WDR20: variants seen among roughly 807,000 people sequenced by gnomAD.
WDR20 encodes WD repeat domain 20.
WDR20 carries 3 observed loss-of-function variants against 38.7 expected under a neutral mutation model. The observed-to-expected ratio is 0.08, with a 90% CI of 0.04 to 0.20. WDR20 has a LOEUF of 0.20. WDR20 is among the 10% of genes least tolerant of loss of function. The probability of loss-of-function intolerance (pLI) is 1.00; values close to 1 mark genes in which losing one functional copy is unlikely to be tolerated. For missense variants in WDR20, 559 were observed against 727.7 expected (o/e 0.77, Z 2.67); for synonymous variants, 298 against 285.6 (o/e 1.04, Z -0.44).
chr14:102,141,167 A>T (rs2050946723), intron 1 of WDR20, among the ~76,000 whole-genome samples: 1 of 152,190 alleles, frequency 6.6e-6, no homozygotes, highest in Non-Finnish European at 1.5e-5. Flanking sequence ...ACTTGATGTC[A>T]TGGAAGAGTG....
intron 1 of WDR20, among the ~76,000 whole-genome samples, chr14:102,182,115 A>G: frequency 6.6e-6 from 1 of 152,182 alleles, no homozygotes; most frequent in Non-Finnish European, 1.5e-5. Context: ...AGACTGTAAA[A>G]TTGGTGATAA....
intron 1 of WDR20, among the ~76,000 whole-genome samples, chr14:102,169,738 G>C (rs1158011870): frequency 1.3e-5 from 2 of 152,070 alleles, no homozygotes; most frequent in Non-Finnish European, 2.9e-5. Context: ...ATGTTGGCCA[G>C]GCTGGTCTCG....
In WDR20 at chr14:102,208,881, C is replaced by T. The variant is rs183598543; in HGVS notation, c.711C>T (p.Cys237=). 2.7e-5 allele frequency: 44 copies of T among 1,614,194 alleles called. No individual in the cohort carries two copies. In the East Asian group the frequency reaches 6.9e-4, roughly 25 times the overall value. The part of the protein sequence containing the change: ...AFSPDGKFLA[C]VSQDGFLRVF... Reference sequence around the variant, plus strand: ...CCCCAGATGGCAAGTTCTTAGCGTGCGTGAGCCAGGACGGGTTTCTGCGGG... The same window carrying T: ...CCCCAGATGGCAAGTTCTTAGCGTGTGTGAGCCAGGACGGGTTTCTGCGGG... Residue 237 remains cysteine, a synonymous_variant, in exon 3 of 3, where the codon TGC becomes TGT. Coordinates refer to ENST00000342702, the MANE Select transcript of WDR20 (RefSeq NM_144574.4). The surrounding 1 kb of genome is among the most constrained non-coding windows in gnomAD (Gnocchi z 5.6).
At chr14:102,156,171 CTT>C (rs771377694) in intron 1 of WDR20, among the ~76,000 whole-genome samples, 7 of 138,516 alleles carry the variant, frequency 5.1e-5, no homozygotes, top group Non-Finnish European at 4.8e-5. Context: ...ACCATTAGAT[CTT>C]TTTTTTTTTT....
intron 1 of WDR20, among the ~76,000 whole-genome samples, chr14:102,170,163 C>T (rs2060529406): frequency 6.6e-6 from 1 of 152,174 alleles, no homozygotes; most frequent in Admixed American, 6.5e-5. Context: ...TGTTCTTTGT[C>T]AATAAAGACA....
At chr14:102,163,627 C>CAAAAA (rs58628061) in intron 1 of WDR20, among the ~76,000 whole-genome samples, 42,621 of 62,658 alleles carry the variant, frequency 0.68, 16,538 homozygotes, top group East Asian at 0.86. Context: ...GACTCTGTCT[C>CAAAAA]AAAAAAAAAA....
intron 2 of WDR20, among the ~76,000 whole-genome samples, chr14:102,202,372 G>GTTTTTTTTT (rs5811062): frequency 1.5e-5 from 1 of 67,670 alleles, no homozygotes; most frequent in Non-Finnish European, 2.5e-5. Context: ...CTGTATGGAG[G>GTTTTTTTTT]TTTTTTTTTT....
At chr14:102,217,596 G>A (rs111728252), downstream of WDR20, among the ~76,000 whole-genome samples, 4 of 146,926 alleles carry the variant, frequency 2.7e-5, no homozygotes, top group African/African-American at 9.8e-5. Context: ...GATGGGTCCC[G>A]ACGTCCCTGG....
At chr14:102,217,926 C>T (rs985695501), downstream of WDR20, among the ~76,000 whole-genome samples, 4 of 152,222 alleles carry the variant, frequency 2.6e-5, no homozygotes, top group African/African-American at 7.2e-5. Context: ...GCCAGGAGCA[C>T]CTGCCACAGA....
chr14:102,151,064 T>A (rs907445352), intron 1 of WDR20, among the ~76,000 whole-genome samples: 14 of 152,158 alleles, frequency 9.2e-5, no homozygotes, highest in African/African-American at 3.1e-4. Flanking sequence ...CATTCAGAAC[T>A]GAACATTGCC....
intron 1 of WDR20, among the ~76,000 whole-genome samples, chr14:102,144,438 TACC>T (rs1267275375): frequency 6.9e-6 from 1 of 145,480 alleles, no homozygotes; most frequent in Admixed American, 7.0e-5. Context: ...GCCAAGATCA[TACC>T]ACCGCACTCC....
At chr14:102,162,992 C>A (rs531152054) in intron 1 of WDR20, among the ~76,000 whole-genome samples, 4 of 152,128 alleles carry the variant, frequency 2.6e-5, no homozygotes, top group African/African-American at 7.2e-5. Flanking sequence ...GGCTTGCTAG[C>A]CCTTTTGCAT....
chr14:102,215,483 T>C (rs869038), downstream of WDR20, among the ~76,000 whole-genome samples: 1,758 of 152,298 alleles, frequency 0.012, 37 homozygotes, highest in African/African-American at 0.04. Flanking sequence ...CTGTAAGTTC[T>C]GGGATATATG....
chr14:102,220,516 G>A lies in WDR20; in HGVS notation c.1693-2314G>A, dbSNP rs1171900220. 6.6e-6 allele frequency among the ~76,000 whole-genome samples: 1 copy of A among 152,140 alleles called. No individual in the cohort carries two copies. The highest frequency in any genetic ancestry group is 1.5e-5 in the Non-Finnish European group (1 of 68,018). Reference sequence around the variant, plus strand: ...AGGCAGGTGGATCACGAGGTCAGGAGGTCTTCAAGACCATCCTAACAGTGA... The same window carrying A: ...AGGCAGGTGGATCACGAGGTCAGGAAGTCTTCAAGACCATCCTAACAGTGA... On this transcript the variant is annotated intron_variant, in intron 3 of 3. Transcript: ENST00000335263. The surrounding 1 kb of genome is among the most constrained non-coding windows in gnomAD (Gnocchi z 4.2).
At chr14:102,142,148 C>T (rs1423687386) in intron 1 of WDR20, among the ~76,000 whole-genome samples, 3 of 152,126 alleles carry the variant, frequency 2.0e-5, no homozygotes, top group African/African-American at 7.2e-5. Context: ...GTAAATTGCC[C>T]TTACCTGCAT....
chr14:102,196,737 T>C (rs975967456), intron 2 of WDR20, among the ~76,000 whole-genome samples: 1 of 152,206 alleles, frequency 6.6e-6, no homozygotes, highest in African/African-American at 2.4e-5. Context: ...GCCAGAACTA[T>C]CCCTGCCCTG....
chr14:102,179,343 T>C (rs2062863972), intron 1 of WDR20, among the ~76,000 whole-genome samples: 1 of 151,972 alleles, frequency 6.6e-6, no homozygotes, highest in Non-Finnish European at 1.5e-5. Context: ...ACTCTATTTT[T>C]GTCTCAGAAA....
chr14:102,213,172 C>A, downstream of WDR20: 1 of 985,670 alleles, frequency 1.0e-6, no homozygotes, highest in Non-Finnish European at 1.2e-6. Flanking sequence ...TGCGATGGGG[C>A]AGGCTTCTAA....
intron 2 of WDR20, among the ~76,000 whole-genome samples, chr14:102,204,095 G>A (rs1402261228): frequency 5.3e-5 from 8 of 152,188 alleles, no homozygotes; most frequent in African/African-American, 1.7e-4. Flanking sequence ...ACGCTTGGGA[G>A]TGGCCCTGCA....
Sources: allele counts gnomAD v4.1 joint callset (sites outside exome capture counted in the v4.1 genomes callset), GRCh38; gene constraint gnomAD v4.1.1; non-coding constraint Gnocchi (gnomAD v3.1); transcripts MANE v1.5; gene names NCBI Gene and HGNC (gene_info 2026-07-23, HGNC 2026-07-21).